Variants in TRMT10C observed in about 807,000 individuals in gnomAD.
TRMT10C encodes the protein tRNA methyltransferase 10 homolog C.
In TRMT10C, 14 loss-of-function variants were observed where a neutral mutation model predicts 27.4. That is an observed-to-expected ratio of 0.51 (90% CI 0.34 to 0.80). The LOEUF is 0.80. Ranked by LOEUF, TRMT10C falls within the 30% of genes least tolerant of loss-of-function variation. TRMT10C has a pLI of 0.02. For missense variants in TRMT10C, 438 were observed against 464.8 expected (o/e 0.94, Z 0.53); for synonymous variants, 143 against 155.9 (o/e 0.92, Z 0.62).
chr3:101,561,967 C>G lies in TRMT10C; in HGVS notation c.-49C>G, dbSNP rs775021822. On this transcript the variant is annotated 5_prime_UTR_variant, in exon 1 of 2. Coordinates refer to ENST00000309922, the MANE Select transcript of TRMT10C (RefSeq NM_017819.4). ...TCCTTCGTCCTCCAGGGTCCCTGTTCTTTGCGCCAGCGGGAACCACTATCT... is the reference window on the plus strand; with the variant it reads ...TCCTTCGTCCTCCAGGGTCCCTGTTGTTTGCGCCAGCGGGAACCACTATCT... 1 of 153,172 alleles carries G rather than the reference C, an allele frequency of 6.5e-6. No individual in the cohort carries two copies. Among genetic ancestry groups the G allele is most frequent in the Non-Finnish European group, 1.5e-5 (1 of 68,622 alleles). 9.5% of individuals were successfully genotyped at this position (153,172 alleles called of 1,614,324 possible).
chr3:101,565,668 A>G lies in TRMT10C; in HGVS notation c.887A>G (p.Asn296Ser). Reference protein sequence around the residue: ...SIIYLTADSPNVMTTFRHDKV... With the variant: ...SIIYLTADSPSVMTTFRHDKV... ...ATCTATTTAACTGCAGATTCTCCCA[A>G]TGTTATGACTACTTTCAGGCATGAC... Residue 296 changes from asparagine to serine, a missense_variant, in exon 2 of 2, where the codon AAT becomes AGT. This residue lies in a region of TRMT10C where 350 missense variants were observed against 370.5 expected (regional missense o/e 0.94). Coordinates refer to ENST00000309922, the MANE Select transcript of TRMT10C (RefSeq NM_017819.4). The G allele has an allele frequency of 5.6e-6, 9 of 1,614,188 alleles. No individual in the cohort carries two copies. Among genetic ancestry groups the G allele is most frequent in the Middle Eastern group, 1.6e-4 (1 of 6,062 alleles).
Position 101,565,546 on chromosome 3 carries a change from CAGAG to C in TRMT10C, c.768_771del (p.Arg256SerfsTer2), listed in dbSNP as rs1559949648. The C allele has an allele frequency of 2.5e-6, 4 of 1,614,006 alleles. No individual in the cohort carries two copies. The highest frequency in any genetic ancestry group is 1.1e-5 in the South Asian group (1 of 91,072). ...ATCTAAAAATAGATGGTGCTTTGCACAGAGAGTTAGTTAAACGGTATCAAGAAAA... is the reference window on the plus strand; with the variant it reads ...ATCTAAAAATAGATGGTGCTTTGCACAGTTAGTTAAACGGTATCAAGAAAA... On this transcript the variant is annotated frameshift_variant, in exon 2 of 2. Coordinates refer to ENST00000309922, the MANE Select transcript of TRMT10C (RefSeq NM_017819.4). LOFTEE classifies it high-confidence loss of function.
In TRMT10C at chr3:101,566,004, A is replaced by G. The variant is rs776399897; in HGVS notation, c.*11A>G. On this transcript the variant is annotated 3_prime_UTR_variant, in exon 2 of 2. Coordinates refer to ENST00000309922, the MANE Select transcript of TRMT10C (RefSeq NM_017819.4). ...AAGGCAAAGACTTAATTCATTTTCA[A>G]AAGGTTCTCTGAATGTGCACAGAAC... 2.0e-5 allele frequency: 32 copies of G among 1,577,848 alleles called. 1 individual carries two copies. The African/African-American group carries it at 2.7e-4, about 13-fold the overall frequency.
chr3:101,566,054 A>G lies in TRMT10C; in HGVS notation c.*61A>G. 1.3e-6 allele frequency: 2 copies of G among 1,495,456 alleles called. No homozygotes were observed. Among genetic ancestry groups the G allele is most frequent in the South Asian group, 1.4e-5 (1 of 72,588 alleles). The allele number at this position is 1,495,456 out of a possible 1,614,324, so 92.6% of individuals were successfully genotyped here. ...CACGTGGCTCAAATGAGAACATTTGATGGCTTAAAAAGTAAATGCGTTAGA... is the reference window on the plus strand; with the variant it reads ...CACGTGGCTCAAATGAGAACATTTGGTGGCTTAAAAAGTAAATGCGTTAGA... On this transcript the variant is annotated 3_prime_UTR_variant, in exon 2 of 2. Transcript: ENST00000309922.
rs1170442755 is a variant in TRMT10C, at chr3:101,565,022, A to G, written c.241A>G (p.Thr81Ala). Residue 81 changes from threonine to alanine, a missense_variant, in exon 2 of 2, where the codon ACA (threonine) becomes GCA (alanine). Physicochemically the swap from Thr to Ala is moderately conservative, Grantham distance 58. Transcript: ENST00000309922. ...KSSVQEECVS[T>A]ISSSKDEDPL... The stretch of plus-strand genomic sequence containing the variant: ...TAGTGTGCAAGAAGAATGTGTTTCA[A>G]CAATCTCAAGCAGTAAGGATGAAGA... 6.2e-7 allele frequency: 1 copy of G among 1,614,076 alleles called. No homozygotes were observed. The highest frequency in any genetic ancestry group is 1.1e-5 in the South Asian group (1 of 91,082).
rs1358026505 is a variant in TRMT10C, at chr3:101,565,922, C to T, written c.1141C>T (p.His381Tyr). ...TCTGCAATTCGTTCCCAAGAGAAAA[C>T]ATACTGGTTTTCTGGAGATTTCTCA... ...EALQFVPKRK[H>Y]TGFLEISQHS... Residue 381 changes from histidine (H) to tyrosine (Y), a missense_variant, in exon 2 of 2, where the codon CAT becomes TAT. His to Tyr is a moderately conservative substitution (Grantham distance 83). Around this residue, in one of 3 missense-constraint regions of TRMT10C, gnomAD observed 84 missense variants for 76.5 expected, o/e 1.10. Transcript: ENST00000309922. 1.2e-6 allele frequency: 2 copies of T among 1,613,936 alleles called. No homozygotes were observed. The highest frequency in any genetic ancestry group is 1.7e-6 in the Non-Finnish European group (2 of 1,179,958).
rs1934486364 is a variant in TRMT10C at position 101,565,045 on chromosome 3, A to G, written c.264A>G (p.Glu88=). ...CVSTISSSKD[E]DPLAATREFI... ...CAACAATCTCAAGCAGTAAGGATGA[A>G]GATCCTCTAGCTGCCACCAGAGAGT... The change falls in exon 2 of 2, where the codon GAA becomes GAG. Residue 88 remains glutamate (E), a synonymous_variant. Coordinates refer to ENST00000309922, the MANE Select transcript of TRMT10C (RefSeq NM_017819.4). The G allele has an allele frequency of 6.2e-7, 1 of 1,613,994 alleles. No individual in the cohort carries two copies. The highest frequency in any genetic ancestry group is 1.1e-5 in the South Asian group (1 of 91,082).
At chr3:101,564,256 C>CTTTT (rs11410961) in intron 1 of TRMT10C, among the ~76,000 whole-genome samples, 2 of 121,480 alleles carry the variant, frequency 1.6e-5, no homozygotes, top group African/African-American at 3.1e-5. Context: ...AAGAACCCAA[C>CTTTT]TTTTTTTTTT....
Position 101,562,684 on chromosome 3 carries a change from CT to C in TRMT10C, c.-13+695del, listed in dbSNP as rs1218064316. Among the ~76,000 whole-genome samples the C allele has an allele frequency of 5.5e-3, 796 of 143,626 alleles. 17 individuals are homozygous for C. The East Asian group carries it at 0.067, about 12-fold the overall frequency. The allele number at this position is 143,626 out of a possible 152,430, so 94.2% of individuals were successfully genotyped here. ...TAAAGGGAGGCTGAACTTTTTTTTT[CT>C]TTTTTTTTTTTTTAATGAAGGAAGC... is the stretch of plus-strand genomic sequence containing the variant. On this transcript the variant is annotated intron_variant, in intron 1 of 1. Transcript: ENST00000309922.
Position 101,565,053 on chromosome 3 carries a change from T to C in TRMT10C, c.272T>C (p.Leu91Pro). ...TISSSKDEDP[L>P]AATREFIEMW... ...TCAAGCAGTAAGGATGAAGATCCTC[T>C]AGCTGCCACCAGAGAGTTCATTGAG... is the stretch of plus-strand genomic sequence containing the variant. Residue 91 changes from leucine (L) to proline (P), a missense_variant, in exon 2 of 2, where the codon CTA becomes CCA. Physicochemically the swap from Leu to Pro is moderately conservative, Grantham distance 98. Coordinates refer to ENST00000309922, the MANE Select transcript of TRMT10C (RefSeq NM_017819.4). The C allele has an allele frequency of 6.2e-7, 1 of 1,614,062 alleles. No homozygotes were observed. The highest frequency in any genetic ancestry group is 8.5e-7 in the Non-Finnish European group (1 of 1,180,024).
intron 1 of TRMT10C, among the ~76,000 whole-genome samples, chr3:101,563,928 A>G (rs1934466835): frequency 6.6e-6 from 1 of 152,164 alleles, no homozygotes; most frequent in Non-Finnish European, 1.5e-5. Context: ...CTATTTTTTG[A>G]TCAGTAGATC....
At chr3:101,563,553 G>A (rs59790563) in intron 1 of TRMT10C, among the ~76,000 whole-genome samples, 3,892 of 152,208 alleles carry the variant, frequency 0.026, 159 homozygotes, top group African/African-American at 0.089. Context: ...AAAAGAATAG[G>A]ATAGAATGCG....
chr3:101,563,288 C>T (rs1483969817), intron 1 of TRMT10C, among the ~76,000 whole-genome samples: 2 of 145,856 alleles, frequency 1.4e-5, no homozygotes, highest in Non-Finnish European at 3.1e-5. Context: ...CTCACGAGTA[C>T]CTGGGATTAC....
Position 101,565,375 on chromosome 3 carries a change from C to T in TRMT10C, c.594C>T (p.Ala198=), listed in dbSNP as rs141063875. The T allele has an allele frequency of 4.3e-6, 7 of 1,614,090 alleles. No homozygotes were observed. Among genetic ancestry groups the T allele is most frequent in the African/African-American group, 4.0e-5 (3 of 75,012 alleles). ...DIAMGWKGAQ[A]MQFGQPLVFD... The stretch of plus-strand genomic sequence containing the variant: ...CAATGGGCTGGAAGGGTGCCCAGGC[C>T]ATGCAGTTTGGACAACCTTTGGTTT... The change falls in exon 2 of 2, where the codon GCC becomes GCT. Residue 198 remains alanine, a synonymous_variant. Transcript: ENST00000309922.
chr3:101,566,127 T>G lies in TRMT10C; in HGVS notation c.*134T>G. ...TCTTCCCAAACAATTCATTTTTCTC[T>G]TCTAAAGGTAGTCTTTCCCAACTGA... On this transcript the variant is annotated 3_prime_UTR_variant, in exon 2 of 2. Coordinates refer to ENST00000309922, the MANE Select transcript of TRMT10C (RefSeq NM_017819.4). 9.4e-7 allele frequency: 1 copy of G among 1,067,940 alleles called. No homozygotes were observed. Among genetic ancestry groups the G allele is most frequent in the Admixed American group, 3.0e-5 (1 of 32,974 alleles). 66.2% of individuals were successfully genotyped at this position (1,067,940 alleles called of 1,614,324 possible). A position where few individuals can be genotyped will look rare whatever the true frequency, so the allele number is the denominator to read the frequency against.
intron 1 of TRMT10C, among the ~76,000 whole-genome samples, chr3:101,563,559 A>G (rs1003325329): frequency 1.3e-5 from 2 of 152,206 alleles, no homozygotes; most frequent in African/African-American, 4.8e-5. Context: ...ATAGGATAGA[A>G]TGCGGAGTTA....
In TRMT10C at chr3:101,564,785, G is replaced by A; in HGVS notation, c.4G>A (p.Ala2Thr). MAAFLKMSVSVN... is the reference protein window; with the variant it reads MTAFLKMSVSVN... ...TCTTTTACAGGGGTTTTGTTACATG[G>A]CTGCTTTCCTCAAAATGAGTGTTAG... The change falls in exon 2 of 2, where the codon GCT (alanine) becomes ACT (threonine). Residue 2 changes from alanine (A) to threonine (T), a missense_variant. Ala to Thr is a moderately conservative substitution (Grantham distance 58, BLOSUM62 0). Around this residue, in one of 3 missense-constraint regions of TRMT10C, gnomAD observed 350 missense variants for 370.5 expected, o/e 0.94. Transcript: ENST00000309922. 1 of 1,541,710 alleles carries A rather than the reference G, an allele frequency of 6.5e-7. No individual in the cohort carries two copies. The highest frequency in any genetic ancestry group is 1.2e-5 in the South Asian group (1 of 80,894).
Position 101,566,118 on chromosome 3 carries a change from ATT to A in TRMT10C, c.*129_*130del. The A allele has an allele frequency of 8.8e-7, 1 of 1,137,352 alleles. No individual in the cohort carries two copies. Among genetic ancestry groups the A allele is most frequent in the East Asian group, 2.6e-5 (1 of 38,330 alleles). The allele number at this position is 1,137,352 out of a possible 1,614,324, so 70.5% of individuals were successfully genotyped here. On this transcript the variant is annotated 3_prime_UTR_variant, in exon 2 of 2. Coordinates refer to ENST00000309922, the MANE Select transcript of TRMT10C (RefSeq NM_017819.4). The stretch of plus-strand genomic sequence containing the variant: ...TAATGTATTTCTTCCCAAACAATTC[ATT>A]TTTCTCTTCTAAAGGTAGTCTTTCC...
chr3:101,564,383 G>A (rs991999488), intron 1 of TRMT10C, among the ~76,000 whole-genome samples: 6 of 149,644 alleles, frequency 4.0e-5, no homozygotes, highest in Admixed American at 1.4e-4. Flanking sequence ...TCAGCCTCCC[G>A]AGAAGCTGGG....
Sources: allele counts gnomAD v4.1 joint callset (sites outside exome capture counted in the v4.1 genomes callset), GRCh38; gene constraint gnomAD v4.1.1; regional missense constraint gnomAD v4.1.1; transcripts MANE v1.5; gene names NCBI Gene and HGNC (gene_info 2026-07-23, HGNC 2026-07-21).